The following APOBEC3F variants were observed in gnomAD, a reference collection of about 807,000 sequenced individuals.
APOBEC3F encodes the protein DNA dC->dU-editing enzyme APOBEC-3F.
APOBEC3F carries 34 observed loss-of-function variants against 45.8 expected under a neutral mutation model. That is an observed-to-expected ratio of 0.74 (90% CI 0.57 to 0.99). APOBEC3F has a LOEUF of 0.99. Among genes scored for constraint, APOBEC3F ranks in the 50% least tolerant of loss-of-function variants. The probability of loss-of-function intolerance (pLI) is 0.00; values close to 1 mark genes in which losing one functional copy is unlikely to be tolerated. For missense variants in APOBEC3F, 459 were observed against 474.1 expected (o/e 0.97, Z 0.30); for synonymous variants, 192 against 174.4 (o/e 1.10, Z -0.80).
chr22:39,049,387 G>T (rs373341511), intron 4 of APOBEC3F, 38 bp from the exon 5 acceptor site: 2 of 1,607,616 alleles, frequency 1.2e-6, no homozygotes, highest in Admixed American at 3.4e-5. Flanking sequence ...GGAATCCAGG[G>T]GGGTCTCTGC....
intron 1 of APOBEC3F, 40 bp downstream of exon 1, chr22:39,041,017 C>A: frequency 1.3e-6 from 2 of 1,573,522 alleles, no homozygotes; most frequent in South Asian, 2.3e-5. Context: ...CCTCTGCTGC[C>A]CCTTCCTGCC....
chr22:39,044,310 C>T, intron 2 of APOBEC3F: 1 of 1,454,588 alleles, frequency 6.9e-7, no homozygotes, highest in South Asian at 1.5e-5. Flanking sequence ...CTGAACAGGG[C>T]TGGGAAAACT....
intron 5 of APOBEC3F, among the ~76,000 whole-genome samples, chr22:39,051,536 C>CAAAAAAAAAA (rs35583360): frequency 1.9e-5 from 2 of 104,540 alleles, no homozygotes; most frequent in Non-Finnish European, 3.8e-5. Flanking sequence ...GACTCAGTAT[C>CAAAAAAAAAA]AAAAAAAAAA....
At chr22:39,042,842 C>T in intron 1 of APOBEC3F, 95 bp from the exon 2 acceptor site, 1 of 1,545,150 alleles carries the variant, frequency 6.5e-7, no homozygotes, top group Non-Finnish European at 8.7e-7. Context: ...TGGGGAGGCC[C>T]AGAGCCATGC....
At chr22:39,052,038 C>G in intron 5 of APOBEC3F, 36 bp from the exon 6 acceptor site, 1 of 1,609,042 alleles carries the variant, frequency 6.2e-7, no homozygotes, top group Non-Finnish European at 8.5e-7. Context: ...TGCTCCTAGT[C>G]TGAGCTCCCC....
At chr22:39,046,210 A>C (rs1473244181) in intron 4 of APOBEC3F, among the ~76,000 whole-genome samples, 1 of 152,194 alleles carries the variant, frequency 6.6e-6, no homozygotes, top group Non-Finnish European at 1.5e-5. Context: ...TATGGACCCC[A>C]GTCAGACAGG....
At chr22:39,043,757 G>A (rs573877911) in intron 2 of APOBEC3F, among the ~76,000 whole-genome samples, 12 of 151,518 alleles carry the variant, frequency 7.9e-5, no homozygotes, top group Admixed American at 3.3e-4. Flanking sequence ...GGTGGCTCGC[G>A]CCTGTAATCC....
intron 1 of APOBEC3F, 59 bp downstream of exon 1, chr22:39,041,036 C>G (rs1251037082): frequency 6.4e-7 from 1 of 1,560,474 alleles, no homozygotes; most frequent in African/African-American, 1.4e-5. Context: ...CCTGGTGGCT[C>G]TGCTGGGCGT....
intron 4 of APOBEC3F, among the ~76,000 whole-genome samples, chr22:39,049,000 CAAA>C (rs200731224): frequency 5.5e-4 from 56 of 102,310 alleles, no homozygotes; most frequent in Admixed American, 1.5e-3. Context: ...AAAACAAAAA[CAAA>C]AAAAACAAAA....
chr22:39,043,214 C>G, intron 2 of APOBEC3F, 124 bp downstream of exon 2: 1 of 1,338,780 alleles, frequency 7.5e-7, no homozygotes, highest in Non-Finnish European at 1.0e-6. Flanking sequence ...CCCACACTTT[C>G]CAAGTCCGTG....
intron 4 of APOBEC3F, among the ~76,000 whole-genome samples, chr22:39,048,622 A>T (rs1398070485): frequency 1.3e-5 from 2 of 151,862 alleles, no homozygotes; most frequent in Admixed American, 6.6e-5. Flanking sequence ...CCTGGCTAAC[A>T]TGATGAAACC....
intron 1 of APOBEC3F, among the ~76,000 whole-genome samples, chr22:39,042,707 G>A (rs1926977441): frequency 6.6e-6 from 1 of 152,188 alleles, no homozygotes; most frequent in Admixed American, 6.5e-5. Flanking sequence ...AACGACCAGA[G>A]CTGGACCCTG....
chr22:39,046,483 C>T (rs1410057560), intron 4 of APOBEC3F, among the ~76,000 whole-genome samples: 4 of 152,132 alleles, frequency 2.6e-5, no homozygotes, highest in Non-Finnish European at 5.9e-5. Flanking sequence ...GGGCCCCACC[C>T]CATGGCTTCC....
At chr22:39,050,165 G>C (rs1051196117) in intron 5 of APOBEC3F, among the ~76,000 whole-genome samples, 199 of 150,866 alleles carry the variant, frequency 1.3e-3, no homozygotes, top group African/African-American at 4.7e-3. Flanking sequence ...CTGTGCGTCC[G>C]GCAGTCCTCG....
chr22:39,043,532 A>C (rs553623591), intron 2 of APOBEC3F, among the ~76,000 whole-genome samples: 1 of 148,886 alleles, frequency 6.7e-6, no homozygotes, highest in Admixed American at 6.7e-5. Flanking sequence ...CTGGTCTCGA[A>C]CTTCTGACCT....
In APOBEC3F at chr22:39,050,254, G is replaced by A. The variant is rs1278365146; in HGVS notation, c.723+673G>A. Among the ~76,000 whole-genome samples the A allele has an allele frequency of 1.5e-4, 23 of 150,150 alleles. No individual in the cohort carries two copies. In the East Asian group the frequency reaches 4.6e-3, roughly 30 times the overall value. ...CCAGTCACTGTGGGCTGGTGGGGCC[G>A]CCCCCGCCACTGCCCTGATTCCTCG... On this transcript the variant is annotated intron_variant, in intron 5 of 6. Transcript: ENST00000308521.
At chr22:39,046,758 A>AGGT (rs1927244617) in intron 4 of APOBEC3F, among the ~76,000 whole-genome samples, 1 of 151,970 alleles carries the variant, frequency 6.6e-6, no homozygotes, top group Admixed American at 6.6e-5. Flanking sequence ...CTGGGATTAC[A>AGGT]GGCTCATGCC....
chr22:39,045,357 G>T, intron 3 of APOBEC3F, 71 bp from the exon 4 acceptor site: 1 of 1,610,292 alleles, frequency 6.2e-7, no homozygotes, highest in Admixed American at 1.7e-5. Context: ...CTGACAGCCA[G>T]GAGACCAGGC....
At chr22:39,041,504 G>C (rs1926890482) in intron 1 of APOBEC3F, among the ~76,000 whole-genome samples, 1 of 152,114 alleles carries the variant, frequency 6.6e-6, no homozygotes, top group East Asian at 1.9e-4. Flanking sequence ...GGAGGATGCA[G>C]ATGACCCCAA....
Sources: gnomAD v4.1 joint callset for allele counts (sites outside exome capture counted in the v4.1 genomes callset) on GRCh38, gnomAD v4.1.1 for gene constraint, MANE v1.5 for transcripts, NCBI Gene and HGNC (gene_info 2026-07-23, HGNC 2026-07-21) for gene names.